The following ADAM18 variants were observed in gnomAD, a reference collection of about 807,000 sequenced individuals.
ADAM18 encodes the protein disintegrin and metalloproteinase domain-containing protein 18.
A neutral mutation model predicts 94.4 loss-of-function variants in ADAM18; 117 were observed. The observed-to-expected ratio is 1.24, with a 90% CI of 1.07 to 1.45. The LOEUF is 1.45. ADAM18 is among the 40% of genes most tolerant of loss of function. ADAM18 has a pLI of 0.00. For missense variants in ADAM18, 936 were observed against 880.0 expected, an observed-to-expected ratio of 1.06 and a Z score of -0.81; for synonymous variants, 327 against 291.6, an observed-to-expected ratio of 1.12 and a Z score of -1.24.
At chr8:39,637,195 G>T (rs538581079) in intron 7 of ADAM18, 69 bp from the exon 8 acceptor site, 7 of 1,202,408 alleles carry the variant, frequency 5.8e-6, no homozygotes, top group Non-Finnish European at 8.3e-6. Context: ...CTAATACAAT[G>T]CCTAAATATC....
At chr8:39,662,190 C>A (rs1481866083) in intron 12 of ADAM18, among the ~76,000 whole-genome samples, 1 of 152,006 alleles carries the variant, frequency 6.6e-6, no homozygotes, top group African/African-American at 2.4e-5. Context: ...ATAATTAGTA[C>A]TGCTAAGTAT....
chr8:39,611,032 A>C (rs939790233), intron 6 of ADAM18: 23 of 1,077,848 alleles, frequency 2.1e-5, no homozygotes, highest in Non-Finnish European at 2.6e-5. Context: ...ATATTTTGTT[A>C]TATATCTTAC....
chr8:39,699,080 C>T (rs1400671974), intron 17 of ADAM18, among the ~76,000 whole-genome samples: 1 of 151,978 alleles, frequency 6.6e-6, no homozygotes, highest in Non-Finnish European at 1.5e-5. Context: ...ATTTTTGTCT[C>T]CTAAAAATTG....
rs1822827860 is a variant in ADAM18 at position 39,723,852 on chromosome 8, T to C, written c.2122T>C (p.Phe708Leu). The change falls in exon 19 of 20, where the codon TTT becomes CTT. Residue 708 changes from phenylalanine to leucine, a missense_variant. By Grantham distance (22) the Phe-to-Leu change is conservative. Transcript: ENST00000265707. ...PFFIVFTTVI[F>L]KRNEISKSCN... ...TTTCATAGTTTTCACCACTGTGATC[T>C]TTAAAAGAAATGAAATAAGTAAATC... is the stretch of plus-strand genomic sequence containing the variant. The C allele has an allele frequency of 1.9e-6, 3 of 1,574,404 alleles. No homozygotes were observed. The highest frequency in any genetic ancestry group is 2.6e-6 in the Non-Finnish European group (3 of 1,159,094).
At chr8:39,710,293 T>G (rs1324436390) in intron 18 of ADAM18, among the ~76,000 whole-genome samples, 1 of 152,182 alleles carries the variant, frequency 6.6e-6, no homozygotes, top group African/African-American at 2.4e-5. Context: ...ATTCTGACAT[T>G]TGAGAAAGGA....
At chr8:39,601,432 T>C (rs1312434370) in intron 2 of ADAM18, among the ~76,000 whole-genome samples, 7 of 152,262 alleles carry the variant, frequency 4.6e-5, no homozygotes, top group African/African-American at 1.7e-4. Context: ...TTATATTGCC[T>C]TCTTGAGGAA....
chr8:39,615,920 C>A (rs1487322410), intron 6 of ADAM18, among the ~76,000 whole-genome samples: 1 of 152,014 alleles, frequency 6.6e-6, no homozygotes, highest in East Asian at 1.9e-4. Context: ...TAATAACAAC[C>A]AAACTGAGGG....
At chr8:39,664,832 C>T (rs2129580131) in intron 13 of ADAM18, among the ~76,000 whole-genome samples, 1 of 152,202 alleles carries the variant, frequency 6.6e-6, no homozygotes, top group African/African-American at 2.4e-5. Flanking sequence ...ATGTCCAAGA[C>T]ACACATTTGG....
At position 39,591,111 on chromosome 8, in the gene ADAM18, G is replaced by T. The variant is rs538071643; in HGVS notation, c.132+5759G>T. On this transcript the variant is annotated intron_variant, in intron 2 of 19. Coordinates refer to ENST00000265707, the MANE Select transcript of ADAM18 (RefSeq NM_014237.3). ...TAAAACACTTTATTACTAAAAAATT[G>T]TAACTATCATCTGAATTTTCAGTGA... Among the ~76,000 whole-genome samples the T allele has an allele frequency of 3.3e-5, 5 of 152,278 alleles. No homozygotes were observed. In the East Asian group the frequency reaches 7.7e-4, roughly 23 times the overall value.
At chr8:39,602,921 A>C (rs1370690661) in intron 2 of ADAM18, among the ~76,000 whole-genome samples, 1 of 152,130 alleles carries the variant, frequency 6.6e-6, no homozygotes, top group Non-Finnish European at 1.5e-5. Flanking sequence ...CATTTTAGAT[A>C]TTCTGTGGTT....
At chr8:39,718,263 G>T (rs1391324986) in intron 18 of ADAM18, among the ~76,000 whole-genome samples, 2 of 151,474 alleles carry the variant, frequency 1.3e-5, no homozygotes, top group Non-Finnish European at 3.0e-5. Flanking sequence ...TAACAATTTT[G>T]TATCCATCAT....
At chr8:39,616,881 G>C (rs1461183016) in intron 6 of ADAM18, among the ~76,000 whole-genome samples, 1 of 152,104 alleles carries the variant, frequency 6.6e-6, no homozygotes, top group African/African-American at 2.4e-5. Flanking sequence ...ATGTATTAAA[G>C]ACTTAAAAGT....
Position 39,680,060 on chromosome 8 carries a change from C to A in ADAM18, c.1655C>A (p.Ala552Asp). The change falls in exon 16 of 20, where the codon GCT becomes GAT. Residue 552 changes from alanine to aspartate, a missense_variant. Physicochemically the swap from Ala to Asp is moderately radical, Grantham distance 126 (BLOSUM62 -2). Coordinates refer to ENST00000265707, the MANE Select transcript of ADAM18 (RefSeq NM_014237.3). ...ERKDVLCGKLACVQPHKNANK... is the reference protein window; with the variant it reads ...ERKDVLCGKLDCVQPHKNANK... Reference sequence around the variant, plus strand: ...AGGGATGTTCTCTGTGGAAAATTAGCTTGTGTTCAGCCACATAAAAATGCT... The same window carrying A: ...AGGGATGTTCTCTGTGGAAAATTAGATTGTGTTCAGCCACATAAAAATGCT... 1.2e-6 allele frequency: 2 copies of A among 1,613,458 alleles called. No homozygotes were observed. Among genetic ancestry groups the A allele is most frequent in the African/African-American group, 1.3e-5 (1 of 74,976 alleles).
intron 14 of ADAM18, among the ~76,000 whole-genome samples, chr8:39,672,986 T>C (rs1368314415): frequency 2.0e-5 from 3 of 152,190 alleles, no homozygotes. Context: ...TGTATATAAT[T>C]GGAGTTGGCA....
At chr8:39,660,673 T>C (rs917381276) in intron 12 of ADAM18, among the ~76,000 whole-genome samples, 1 of 152,104 alleles carries the variant, frequency 6.6e-6, no homozygotes, top group African/African-American at 2.4e-5. Context: ...CTTTCAACAA[T>C]GGACATATCA....
At chr8:39,640,461 C>T (rs1203008589) in intron 10 of ADAM18, among the ~76,000 whole-genome samples, 1 of 152,058 alleles carries the variant, frequency 6.6e-6, no homozygotes, top group African/African-American at 2.4e-5. Flanking sequence ...AATGTCTTTG[C>T]TATTGTGACT....
In ADAM18 at chr8:39,668,157, C is replaced by G. The variant is rs766628326; in HGVS notation, c.1486C>G (p.Gln496Glu). The G allele has an allele frequency of 1.9e-5, 31 of 1,613,904 alleles. No homozygotes were observed. The highest frequency in any genetic ancestry group is 6.7e-5 in the Admixed American group (4 of 59,974). Residue 496 changes from glutamine to glutamate, a missense_variant, in exon 14 of 20, where the codon CAA becomes GAA. Transcript: ENST00000265707. ...TGCCTATTGCTATAACGGACAATGT[C>G]AAACTACTGATAACCAGTGTGCCAA... Reference protein sequence around the residue: ...GTAYCYNGQCQTTDNQCAKIF... With the variant: ...GTAYCYNGQCETTDNQCAKIF...
At chr8:39,637,798 C>A (rs1465643276) in intron 9 of ADAM18, 95 bp downstream of exon 9, 2 of 1,224,552 alleles carry the variant, frequency 1.6e-6, no homozygotes, top group East Asian at 2.8e-5. Context: ...TTTTTGTAAG[C>A]CCCTTTGGAA....
intron 18 of ADAM18, among the ~76,000 whole-genome samples, chr8:39,722,624 C>A (rs191418379): frequency 3.3e-5 from 5 of 151,546 alleles, no homozygotes; most frequent in Admixed American, 3.3e-4. Flanking sequence ...GACTTCACCA[C>A]TGCACAATAT....
Sources: gnomAD v4.1 joint callset for allele counts (sites outside exome capture counted in the v4.1 genomes callset) on GRCh38, gnomAD v4.1.1 for gene constraint, MANE v1.5 for transcripts, NCBI Gene and HGNC (gene_info 2026-07-23, HGNC 2026-07-21) for gene names.